The following PCDHGA11 variants were observed in gnomAD, a reference collection of about 807,000 sequenced individuals.
PCDHGA11 encodes the protein protocadherin gamma subfamily A, 11, also known as protocadherin gamma-A11.
In PCDHGA11, 39 loss-of-function variants were observed where a neutral mutation model predicts 60.4. That is an observed-to-expected ratio of 0.65 (90% confidence interval 0.50 to 0.84). PCDHGA11 has a LOEUF of 0.84. Ranked by LOEUF, PCDHGA11 falls within the 40% of genes least tolerant of loss-of-function variation. The probability of loss-of-function intolerance (pLI) is 0.00; values close to 1 mark genes in which losing one functional copy is unlikely to be tolerated. For synonymous variants in PCDHGA11, 533 were observed against 510.3 expected (o/e 1.04, Z -0.60); for missense variants, 1,165 against 1,197.7 (o/e 0.97, Z 0.40).
Position 141,490,509 on chromosome 5 carries a change from G to A in PCDHGA11, c.2434-4298G>A. 6.2e-7 allele frequency: 1 copy of A among 1,614,072 alleles called. No individual in the cohort carries two copies. On this transcript the variant is annotated intron_variant, in intron 1 of 3. Transcript: ENST00000398587. The surrounding 1 kb of genome is among the most constrained non-coding windows in gnomAD (Gnocchi z 5.4). ...AGGCCACATCCCACTATATCATCGA[G>A]CTGCTGGCCAGCGATGCTGGTTCAC...
chr5:141,423,887 T>C, intron 1 of PCDHGA11: 2 of 1,282,240 alleles, frequency 1.6e-6, no homozygotes, highest in Non-Finnish European at 2.0e-6. Context: ...CTTGGCATAT[T>C]TTCTTTTGAT....
intron 1 of PCDHGA11, among the ~76,000 whole-genome samples, chr5:141,472,213 C>T (rs1294676431): frequency 2.0e-5 from 3 of 152,178 alleles, no homozygotes; most frequent in African/African-American, 7.2e-5. Flanking sequence ...TAAGACCTTA[C>T]TCTCGATCAT....
chr5:141,481,229 A>G (rs989963485), intron 1 of PCDHGA11, among the ~76,000 whole-genome samples: 5 of 152,212 alleles, frequency 3.3e-5, no homozygotes, highest in African/African-American at 4.8e-5. Context: ...TCCCAGCCTT[A>G]AAGTATTACA....
Position 141,491,048 on chromosome 5 carries a change from C to T in PCDHGA11, c.2434-3759C>T, listed in dbSNP as rs755163825. The T allele has an allele frequency of 7.4e-6, 12 of 1,613,948 alleles. No individual in the cohort carries two copies. Among genetic ancestry groups the T allele is most frequent in the South Asian group, 4.4e-5 (4 of 91,090 alleles). ...GTGGATGCTGATGCAGGCCACAATG[C>T]GTGGCTCTCCTACTCACTGTTGCCA... On this transcript the variant is annotated intron_variant, in intron 1 of 3. Coordinates refer to ENST00000398587, the MANE Select transcript of PCDHGA11 (RefSeq NM_018914.3). The surrounding 1 kb of genome is among the most constrained non-coding windows in gnomAD (Gnocchi z 6.9).
At chr5:141,466,689 A>G (rs2099127361) in intron 1 of PCDHGA11, among the ~76,000 whole-genome samples, 1 of 152,220 alleles carries the variant, frequency 6.6e-6, no homozygotes, top group Admixed American at 6.5e-5. Context: ...CTCAAGCTTC[A>G]TCATAAATTT....
chr5:141,493,641 G>A lies in PCDHGA11; in HGVS notation c.2434-1166G>A, dbSNP rs547664603. Among the ~76,000 whole-genome samples, 2 of 152,240 alleles carry A rather than the reference G, an allele frequency of 1.3e-5. No individual in the cohort carries two copies. The highest frequency in any genetic ancestry group is 3.9e-4 in the East Asian group (2 of 5,172). On this transcript the variant is annotated intron_variant, in intron 1 of 3. Coordinates refer to ENST00000398587, the MANE Select transcript of PCDHGA11 (RefSeq NM_018914.3). The surrounding 1 kb of genome is among the most constrained non-coding windows in gnomAD (Gnocchi z 4.3). The stretch of plus-strand genomic sequence containing the variant: ...CTAAGAATACAGTGGCTGAGGGCTG[G>A]CCATCCCTGTGCCCTTCTCCATGGC...
chr5:141,424,018 CACAA>C (rs909442976), intron 1 of PCDHGA11: 3 of 1,051,682 alleles, frequency 2.9e-6, no homozygotes, highest in South Asian at 4.6e-5. Context: ...ATTAATGATT[CACAA>C]ACACTTTTTA....
intron 1 of PCDHGA11, among the ~76,000 whole-genome samples, chr5:141,437,228 A>C (rs1410620126): frequency 6.6e-6 from 1 of 152,228 alleles, no homozygotes; most frequent in Non-Finnish European, 1.5e-5. Context: ...CCAGTCATAA[A>C]ATTATGTCAA....
At chr5:141,454,087 T>A (rs1251936767) in intron 1 of PCDHGA11, among the ~76,000 whole-genome samples, 4 of 152,198 alleles carry the variant, frequency 2.6e-5, no homozygotes, top group Non-Finnish European at 5.9e-5. Context: ...TCAGTGAAAT[T>A]TGAATTGAAC....
chr5:141,438,526 G>A (rs188552043), intron 1 of PCDHGA11, among the ~76,000 whole-genome samples: 11 of 143,330 alleles, frequency 7.7e-5, no homozygotes, highest in Non-Finnish European at 1.5e-4. Flanking sequence ...ATTTTACATG[G>A]ACTTTTCCTC....
intron 1 of PCDHGA11, among the ~76,000 whole-genome samples, chr5:141,462,639 C>T (rs2099043867): frequency 7.2e-6 from 1 of 138,292 alleles, no homozygotes. Flanking sequence ...TTGACTCTTT[C>T]ATTTCCATCC....
At chr5:141,446,390 G>A (rs2098500089) in intron 1 of PCDHGA11, among the ~76,000 whole-genome samples, 1 of 152,284 alleles carries the variant, frequency 6.6e-6, no homozygotes, top group African/African-American at 2.4e-5. Context: ...ATAGATTTAA[G>A]AGAAATCGAG....
chr5:141,501,228 A>G (rs1054674676), intron 2 of PCDHGA11, among the ~76,000 whole-genome samples: 10 of 149,588 alleles, frequency 6.7e-5, no homozygotes, highest in African/African-American at 2.5e-4. Context: ...TAGATTTCTC[A>G]GTTTTTTGAG....
intron 1 of PCDHGA11, among the ~76,000 whole-genome samples, chr5:141,448,837 C>CT (rs2098610093): frequency 6.6e-6 from 1 of 152,014 alleles, no homozygotes; most frequent in Non-Finnish European, 1.5e-5. Context: ...CCCAGCTACT[C>CT]TGGAGGCTGA....
intron 1 of PCDHGA11, among the ~76,000 whole-genome samples, chr5:141,446,453 A>T (rs2098502702): frequency 6.6e-6 from 1 of 151,946 alleles, no homozygotes; most frequent in Non-Finnish European, 1.5e-5. Context: ...GCAGATATTC[A>T]GTGTGTGATT....
intron 1 of PCDHGA11, among the ~76,000 whole-genome samples, chr5:141,465,348 A>C (rs886810999): frequency 6.6e-6 from 1 of 152,158 alleles, no homozygotes; most frequent in African/African-American, 2.4e-5. Context: ...GTTACTGAAG[A>C]AAAAATGGGT....
intron 1 of PCDHGA11, chr5:141,442,490 T>C (rs2098328971): frequency 6.6e-6 from 1 of 152,222 alleles, no homozygotes; most frequent in South Asian, 2.1e-4. Flanking sequence ...AAGGGGATGA[T>C]TGTGATTATT....
chr5:141,494,142 A>AAGACAACT (rs2099752181), intron 1 of PCDHGA11, among the ~76,000 whole-genome samples: 5 of 152,090 alleles, frequency 3.3e-5, no homozygotes, highest in Admixed American at 6.5e-5. Context: ...TTAGTCACAG[A>AAGACAACT]CCATTGTCTG....
At chr5:141,428,320 T>G in intron 1 of PCDHGA11, 2 of 650,176 alleles carry the variant, frequency 3.1e-6, no homozygotes, top group Non-Finnish European at 5.5e-6. Context: ...GGCCTTGGCC[T>G]TGATTTCTAT....
Sources: allele counts gnomAD v4.1 joint callset (sites outside exome capture counted in the v4.1 genomes callset), GRCh38; gene constraint gnomAD v4.1.1; non-coding constraint Gnocchi (gnomAD v3.1); transcripts MANE v1.5; gene names NCBI Gene and HGNC (gene_info 2026-07-23, HGNC 2026-07-21).